Variants in SNRNP25 observed in about 807,000 individuals in gnomAD.
SNRNP25 encodes the protein U11/U12 small nuclear ribonucleoprotein 25 kDa protein.
Under a neutral mutation model 23.9 loss-of-function variants are expected in SNRNP25, and 21 were observed. That is an observed-to-expected ratio of 0.88 (90% CI 0.62 to 1.27). The LOEUF (loss-of-function observed/expected upper bound fraction) is 1.27, where lower values mean the gene tolerates loss of function less well. Among genes scored for constraint, SNRNP25 ranks in the 50% most tolerant of loss-of-function variants. SNRNP25 has a pLI of 0.00. For missense variants in SNRNP25, 160 were observed against 156.9 expected (o/e 1.02, Z -0.11); for synonymous variants, 63 against 60.4 (o/e 1.04, Z -0.20).
In SNRNP25 at chr16:57,323, C is replaced by T; in HGVS notation, c.*180C>T. ...GCCCTCAGGACTAGGACAGGGTGAG[C>T]CAGTGCTCCCTCCTTTCATGTACTT... On this transcript the variant is annotated 3_prime_UTR_variant, in exon 5 of 5. Transcript: ENST00000293861. The T allele has an allele frequency of 1.6e-6, 1 of 641,990 alleles. No homozygotes were observed. Among genetic ancestry groups the T allele is most frequent in the Non-Finnish European group, 2.7e-6 (1 of 364,016 alleles). 39.8% of individuals were successfully genotyped at this position (641,990 alleles called of 1,614,324 possible). A position where few individuals can be genotyped will look rare whatever the true frequency, so the allele number is the denominator to read the frequency against.
intron 4 of SNRNP25, 73 bp downstream of exon 4, chr16:56,686 G>C (rs557616051): frequency 6.6e-7 from 1 of 1,516,648 alleles, no homozygotes; most frequent in Non-Finnish European, 9.1e-7. Context: ...TGCTCTGCCA[G>C]AGGGCTGCGG....
intron 2 of SNRNP25, 42 bp downstream of exon 2, chr16:55,591 T>A (rs756144461): frequency 6.2e-7 from 1 of 1,607,870 alleles, no homozygotes; most frequent in East Asian, 2.2e-5. Context: ...TGGTCCAGGC[T>A]TTCACAGCAG....
In SNRNP25 at chr16:56,746, T is replaced by C. The variant is rs544051140; in HGVS notation, c.314+133T>C. ...CCTCCAAGGAGCTTCCTTGGGGCCC[T>C]CCCCACTAGGAGAATGGCAGGCAGA... is the stretch of plus-strand genomic sequence containing the variant. On this transcript the variant is annotated intron_variant, in intron 4 of 4. Transcript: ENST00000293861. The C allele has an allele frequency of 1.5e-4, 144 of 939,998 alleles. No individual in the cohort carries two copies. In the African/African-American group the frequency reaches 2.2e-3, roughly 15 times the overall value. 58.2% of individuals were successfully genotyped at this position (939,998 alleles called of 1,614,324 possible). A position where few individuals can be genotyped will look rare whatever the true frequency, so the allele number is the denominator to read the frequency against.
At chr16:56,924 C>T (rs1897419247) in intron 4 of SNRNP25, among the ~76,000 whole-genome samples, 162 bp from the exon 5 acceptor site, 1 of 140,392 alleles carries the variant, frequency 7.1e-6, no homozygotes, top group Non-Finnish European at 1.5e-5. Context: ...AGTCGGAGTG[C>T]TTCTGGGTCT....
At chr16:54,084 G>A (rs777790692) in intron 1 of SNRNP25, 26 bp downstream of exon 1, 10 of 1,586,308 alleles carry the variant, frequency 6.3e-6, no homozygotes, top group South Asian at 1.1e-5. Flanking sequence ...GGCTGGGGGC[G>A]CGGGAGTCGT....
intron 4 of SNRNP25, 56 bp from the exon 5 acceptor site, chr16:57,030 G>A (rs1170298022): frequency 4.4e-6 from 7 of 1,581,540 alleles, no homozygotes; most frequent in African/African-American, 2.7e-5. Flanking sequence ...CAGGAGGGGA[G>A]TCACAGATAT....
intron 3 of SNRNP25, chr16:56,087 C>A (rs950746061): frequency 4.8e-6 from 3 of 622,586 alleles, no homozygotes; most frequent in African/African-American, 3.6e-5. Context: ...CTGCCTCGGC[C>A]ATCCCCAACA....
rs1897371668 is a variant in SNRNP25, at chr16:53,841, G to T, written c.-176G>T. ...CTGGGGCGGGCCGCAGTTCCTGCGC[G>T]TGCGCGCTTGGCCTCCCTAGTGCGG... On this transcript the variant is annotated 5_prime_UTR_variant, in exon 1 of 5. Coordinates refer to ENST00000293861, the MANE Select transcript of SNRNP25 (RefSeq NM_024571.4). 4 of 1,395,916 alleles carry T rather than the reference G, an allele frequency of 2.9e-6. No individual in the cohort carries two copies. Among genetic ancestry groups the T allele is most frequent in the Non-Finnish European group, 3.8e-6 (4 of 1,054,060 alleles). 86.5% of individuals were successfully genotyped at this position (1,395,916 alleles called of 1,614,324 possible).
chr16:57,657 T>C lies in SNRNP25; in HGVS notation c.*514T>C, dbSNP rs1011974986. 3.1e-5 allele frequency: 5 copies of C among 161,166 alleles called. No individual in the cohort carries two copies. Among genetic ancestry groups the C allele is most frequent in the African/African-American group, 9.6e-5 (4 of 41,590 alleles). 10.0% of individuals were successfully genotyped at this position (161,166 alleles called of 1,614,324 possible). ...AAGGAGGAAATAAAAGCAGAGCGGC[T>C]TTAGGGTTTGCATCCTGGAGCTCAC... On this transcript the variant is annotated 3_prime_UTR_variant, in exon 5 of 5. Transcript: ENST00000293861.
chr16:55,903 T>G (rs1349900306), intron 3 of SNRNP25, 21 bp downstream of exon 3: 2 of 1,606,864 alleles, frequency 1.2e-6, no homozygotes, highest in African/African-American at 2.7e-5. Context: ...CAACATTCCC[T>G]TCATTATAGC....
At chr16:56,097 A>G in intron 3 of SNRNP25, 1 of 621,224 alleles carries the variant, frequency 1.6e-6, no homozygotes, top group Non-Finnish European at 2.9e-6. Flanking sequence ...CATCCCCAAC[A>G]TTCTGCTCTT....
intron 1 of SNRNP25, 149 bp from the exon 2 acceptor site, chr16:55,310 T>G: frequency 1.5e-6 from 1 of 665,504 alleles, no homozygotes. Context: ...CTCTGATGAA[T>G]TGGGAAACCA....
chr16:54,193 G>A, intron 1 of SNRNP25, 135 bp downstream of exon 1: 1 of 1,040,860 alleles, frequency 9.6e-7, no homozygotes, highest in South Asian at 1.4e-5. Flanking sequence ...CGTAAACGAG[G>A]GTTTTAACCT....
At chr16:55,429 G>T (rs376462476) in intron 1 of SNRNP25, 30 bp from the exon 2 acceptor site, 17 of 1,600,520 alleles carry the variant, frequency 1.1e-5, no homozygotes, top group Admixed American at 1.7e-5. Flanking sequence ...GAGAGCCAGG[G>T]TTCCCACTTC....
chr16:54,038 C>T lies in SNRNP25; in HGVS notation c.22C>T (p.Leu8Phe). Residue 8 changes from leucine (L) to phenylalanine (F), a missense_variant, in exon 1 of 5, where the codon CTC becomes TTC. Physicochemically the swap from Leu to Phe is conservative, Grantham distance 22. Transcript: ENST00000293861. ...GGCTATGGTGGTGCAGGACCCGCTG[C>T]TCTGCGATCTGCCGATCCAGGTGTG... is the stretch of plus-strand genomic sequence containing the variant. Reference protein sequence around the residue: MVVQDPLLCDLPIQVTLE... With the variant: MVVQDPLFCDLPIQVTLE... 1 of 1,607,844 alleles carries T rather than the reference C, an allele frequency of 6.2e-7. No homozygotes were observed. The highest frequency in any genetic ancestry group is 8.5e-7 in the Non-Finnish European group (1 of 1,178,824).
At chr16:54,737 A>G (rs1897384625) in intron 1 of SNRNP25, among the ~76,000 whole-genome samples, 1 of 151,906 alleles carries the variant, frequency 6.6e-6, no homozygotes, top group Non-Finnish European at 1.5e-5. Flanking sequence ...TATTTATTTG[A>G]GACTGAGTCT....
chr16:54,215 A>G (rs895454453), intron 1 of SNRNP25, among the ~76,000 whole-genome samples, 157 bp downstream of exon 1: 2 of 152,148 alleles, frequency 1.3e-5, no homozygotes, highest in African/African-American at 4.8e-5. Context: ...GACCGGGCGC[A>G]CTCGCCTGGG....
rs1245351837 is a variant in SNRNP25, at chr16:56,550, G to A, written c.251G>A (p.Trp84Ter). The A allele has an allele frequency of 2.5e-6, 4 of 1,614,024 alleles. No individual in the cohort carries two copies. The highest frequency in any genetic ancestry group is 3.4e-6 in the Non-Finnish European group (4 of 1,180,016). ...TTCCCCTCTTGCAGGTCCTACGTGT[G>A]GAGGACGTACCATCTGACCTCTGCA... ...GIQHISWSYVWRTYHLTSAGE... is the reference protein window; with the variant it reads ...GIQHISWSYV Residue 84 changes from tryptophan to a stop codon, truncating the protein, a stop_gained, in exon 4 of 5, where the codon TGG (tryptophan) becomes TAG (stop). Transcript: ENST00000293861. LOFTEE classifies it high-confidence loss of function.
chr16:55,328 C>T lies in SNRNP25; in HGVS notation c.43-131C>T, dbSNP rs557406303. ...TGATGAATTGGGAAACCATAACGTACAGGCAACCACCCTTCCTTGCCCTTC... is the reference window on the plus strand; with the variant it reads ...TGATGAATTGGGAAACCATAACGTATAGGCAACCACCCTTCCTTGCCCTTC... On this transcript the variant is annotated intron_variant, in intron 1 of 4. Coordinates refer to ENST00000293861, the MANE Select transcript of SNRNP25 (RefSeq NM_024571.4). 4.0e-6 allele frequency: 3 copies of T among 746,744 alleles called. No individual in the cohort carries two copies. The African/African-American group carries it at 5.2e-5, about 13-fold the overall frequency. 46.3% of individuals were successfully genotyped at this position (746,744 alleles called of 1,614,324 possible).
Sources: gnomAD v4.1 joint callset for allele counts (sites outside exome capture counted in the v4.1 genomes callset) on GRCh38, gnomAD v4.1.1 for gene constraint, MANE v1.5 for transcripts, NCBI Gene and HGNC (gene_info 2026-07-23, HGNC 2026-07-21) for gene names.